EGFL7: variants seen among roughly 807,000 people sequenced by gnomAD.
The protein encoded by EGFL7 is epidermal growth factor-like protein 7.
A neutral mutation model predicts 37.1 loss-of-function variants in EGFL7; 48 were observed. That is an observed-to-expected ratio of 1.29 (90% confidence interval 1.03 to 1.65). The LOEUF (loss-of-function observed/expected upper bound fraction) is 1.65. Among genes scored for constraint, EGFL7 ranks in the 40% most tolerant of loss-of-function variants. EGFL7 has a pLI of 0.00. For missense variants in EGFL7, 384 were observed against 378.9 expected (o/e 1.01, Z -0.11); for synonymous variants, 180 against 156.8 (o/e 1.15, Z -1.10).
intron 3 of EGFL7, among the ~76,000 whole-genome samples, chr9:136,667,321 C>T (rs1845540740): frequency 6.6e-6 from 1 of 152,236 alleles, no homozygotes; most frequent in Non-Finnish European, 1.5e-5. Flanking sequence ...AGGAACCCAC[C>T]CAGCCTTTGG....
intron 8 of EGFL7, 86 bp from the exon 9 acceptor site, chr9:136,670,864 C>T: frequency 7.6e-7 from 1 of 1,308,668 alleles, no homozygotes; most frequent in East Asian, 2.5e-5. Context: ...TCTTCTGGCT[C>T]TGCCTCTCCC....
chr9:136,669,614 A>C lies in EGFL7; in HGVS notation c.206A>C (p.Tyr69Ser). ...TCCCACCCACCCCACAGAACCATCTATAGGACCGCCTACCGCCGCAGCCCT... is the reference window on the plus strand; with the variant it reads ...TCCCACCCACCCCACAGAACCATCTCTAGGACCGCCTACCGCCGCAGCCCT... ...HRACSTYRTI[Y>S]RTAYRRSPGL... The change falls in exon 6 of 11, where the codon TAT (tyrosine) becomes TCT (serine). Residue 69 changes from tyrosine (Y) to serine (S), a missense_variant. Coordinates refer to ENST00000308874, the MANE Select transcript of EGFL7 (RefSeq NM_016215.5). 6.2e-7 allele frequency: 1 copy of C among 1,610,564 alleles called. No homozygotes were observed. The highest frequency in any genetic ancestry group is 8.5e-7 in the Non-Finnish European group (1 of 1,178,990).
At chr9:136,670,887 G>A (rs1845810803) in intron 8 of EGFL7, 63 bp from the exon 9 acceptor site, 5 of 1,454,964 alleles carry the variant, frequency 3.4e-6, no homozygotes, top group African/African-American at 1.4e-5. Context: ...GGGACAGGAG[G>A]GAGCCTGGGG....
intron 8 of EGFL7, 29 bp from the exon 9 acceptor site, chr9:136,670,921 C>A (rs369480085): frequency 1.9e-6 from 3 of 1,542,446 alleles, no homozygotes; most frequent in South Asian, 1.2e-5. Flanking sequence ...GCCGGCCGGC[C>A]GTGACCCAGC....
intron 5 of EGFL7, 60 bp from the exon 6 acceptor site, chr9:136,669,546 C>G: frequency 7.7e-7 from 1 of 1,293,048 alleles, no homozygotes; most frequent in South Asian, 1.3e-5. Context: ...ACTCTAGATG[C>G]CCAGCAGGTG....
chr9:136,668,502 C>A, intron 4 of EGFL7, 55 bp from the exon 5 acceptor site: 4 of 1,572,940 alleles, frequency 2.5e-6, no homozygotes, highest in Non-Finnish European at 3.5e-6. Flanking sequence ...ATGTTCCCAT[C>A]ATTCTTGGGT....
chr9:136,662,305 T>G (rs1845196980), upstream of EGFL7, among the ~76,000 whole-genome samples: 1 of 152,092 alleles, frequency 6.6e-6, no homozygotes, highest in Non-Finnish European at 1.5e-5. Context: ...GACTCCATGC[T>G]TGTCCCCTCC....
At chr9:136,668,466 C>T in intron 4 of EGFL7, 91 bp from the exon 5 acceptor site, 1 of 1,526,370 alleles carries the variant, frequency 6.6e-7, no homozygotes, top group Non-Finnish European at 8.9e-7. Context: ...CCTGGGGGCT[C>T]CTGCTGAGGG....
At chr9:136,668,211 G>A (rs1845600463) in intron 3 of EGFL7, 30 bp from the exon 4 acceptor site, 1 of 1,365,808 alleles carries the variant, frequency 7.3e-7, no homozygotes. Flanking sequence ...CATCTGCGGG[G>A]AGACTTAGGG....
chr9:136,665,912 G>T (rs943008218), intron 3 of EGFL7: 2 of 145,924 alleles, frequency 1.4e-5, no homozygotes, highest in Non-Finnish European at 3.0e-5. Context: ...CGGGGGCGGG[G>T]AACCTGGCCG....
At chr9:136,671,893 C>T (rs750012021) in intron 9 of EGFL7, 33 bp from the exon 10 acceptor site, 113 of 1,459,894 alleles carry the variant, frequency 7.7e-5, no homozygotes, top group Middle Eastern at 5.0e-4. Flanking sequence ...GGGCGGGGGC[C>T]GGCCCAGGGT....
rs112581905 is a variant in EGFL7, at chr9:136,672,674, C to G, written c.*388C>G. 3 of 297,332 alleles carry G rather than the reference C, an allele frequency of 1.0e-5. No homozygotes were observed. The Admixed American group carries it at 1.4e-4, about 13-fold the overall frequency. The allele number at this position is 297,332 out of a possible 1,614,324, so 18.4% of individuals were successfully genotyped here. ...GACCCCCAGCACAATAAAAATGAAA[C>G]GTGAGCTGCTGTGTCAGTGGATGGA... On this transcript the variant is annotated 3_prime_UTR_variant, in exon 11 of 11. Coordinates refer to ENST00000308874, the MANE Select transcript of EGFL7 (RefSeq NM_016215.5).
intron 9 of EGFL7, among the ~76,000 whole-genome samples, chr9:136,671,604 G>A (rs1019152648): frequency 6.6e-6 from 1 of 151,456 alleles, no homozygotes; most frequent in Admixed American, 6.6e-5. Context: ...ACCCAGACGA[G>A]ACCTCCCCAC....
intron 3 of EGFL7, 113 bp from the exon 4 acceptor site, chr9:136,668,128 G>A (rs531900578): frequency 6.4e-6 from 4 of 620,280 alleles, no homozygotes; most frequent in South Asian, 2.0e-5. Context: ...CTGTCCCACC[G>A]GTGGAGGCTC....
intron 5 of EGFL7, 129 bp downstream of exon 5, chr9:136,668,802 A>C (rs572593866): frequency 1.1e-6 from 1 of 890,356 alleles, no homozygotes; most frequent in Non-Finnish European, 1.8e-6. Context: ...GAGCCATGAG[A>C]GGGCTGCCTG....
At position 136,666,775 on chromosome 9, in the gene EGFL7, C is replaced by A. The variant is rs1845506497; in HGVS notation, c.-42-1466C>A. Among the ~76,000 whole-genome samples, 1 of 152,184 alleles carries A rather than the reference C, an allele frequency of 6.6e-6. No individual in the cohort carries two copies. Among genetic ancestry groups the A allele is most frequent in the Non-Finnish European group, 1.5e-5 (1 of 68,032 alleles). ...CCCGGGTCCCACTCCCCAATGTCCC[C>A]CGACTTCGAGTCTTGCCTTGAGGTC... On this transcript the variant is annotated intron_variant, in intron 3 of 10. Transcript: ENST00000308874. This position sits in a 1 kb window ranked among gnomAD's most constrained non-coding sequence, Gnocchi z 6.8.
Position 136,669,999 on chromosome 9 carries a change from T to C in EGFL7, c.399T>C (p.Thr133=). ...CRCPAGWRGD[T]CQSDVDECSA... Reference sequence around the variant, plus strand: ...GCCCTGCAGGATGGCGGGGTGACACTTGCCAGTCAGGTGAGGCTGGCTCTA... The same window carrying C: ...GCCCTGCAGGATGGCGGGGTGACACCTGCCAGTCAGGTGAGGCTGGCTCTA... Residue 133 remains threonine (T), a synonymous_variant, in exon 7 of 11, where the codon ACT becomes ACC. Coordinates refer to ENST00000308874, the MANE Select transcript of EGFL7 (RefSeq NM_016215.5). 1.3e-6 allele frequency: 2 copies of C among 1,597,940 alleles called. No individual in the cohort carries two copies. The highest frequency in any genetic ancestry group is 1.7e-6 in the Non-Finnish European group (2 of 1,170,660).
chr9:136,661,842 C>G (rs562795947), upstream of EGFL7, among the ~76,000 whole-genome samples: 2 of 152,318 alleles, frequency 1.3e-5, no homozygotes, highest in East Asian at 3.9e-4. Flanking sequence ...ACTGACCGCC[C>G]AGGGCCAGGG....
intron 5 of EGFL7, among the ~76,000 whole-genome samples, chr9:136,669,287 G>C (rs1845683247): frequency 6.6e-6 from 1 of 152,222 alleles, no homozygotes; most frequent in South Asian, 2.1e-4. Context: ...CCGTAGGCCG[G>C]GCACACCCTC....
Sources: allele counts gnomAD v4.1 joint callset (sites outside exome capture counted in the v4.1 genomes callset), GRCh38; gene constraint gnomAD v4.1.1; non-coding constraint Gnocchi (gnomAD v3.1); transcripts MANE v1.5; gene names NCBI Gene and HGNC (gene_info 2026-07-23, HGNC 2026-07-21).